SLC25A42: variants seen among roughly 807,000 people sequenced by gnomAD.
The protein encoded by SLC25A42 is solute carrier family 25 member 42.
A neutral mutation model predicts 34.7 loss-of-function variants in SLC25A42; 19 were observed. The observed-to-expected ratio is 0.55, with a 90% confidence interval of 0.38 to 0.80. SLC25A42 has a LOEUF of 0.80. Ranked by LOEUF, SLC25A42 falls within the 30% of genes least tolerant of loss-of-function variation. The pLI, the probability that SLC25A42 is intolerant of heterozygous loss-of-function variation, is 0.00. For missense variants in SLC25A42, 364 were observed against 441.3 expected, an observed-to-expected ratio of 0.82 and a Z score of 1.57; for synonymous variants, 205 against 191.2, an observed-to-expected ratio of 1.07 and a Z score of -0.59.
In SLC25A42 at chr19:19,064,126, G is replaced by A. The variant is rs1191557735; in HGVS notation, c.-35+11G>A. On this transcript the variant is annotated intron_variant, in intron 1 of 7. Coordinates refer to ENST00000318596, the MANE Select transcript of SLC25A42 (RefSeq NM_178526.5). Reference sequence around the variant, plus strand: ...TCGGGCTGAACTGAGGTGAGGCACGGGTCCTGTCATGGATCCCGGGGCGAG... The same window carrying A: ...TCGGGCTGAACTGAGGTGAGGCACGAGTCCTGTCATGGATCCCGGGGCGAG... 1 of 152,444 alleles carries A rather than the reference G, an allele frequency of 6.6e-6. No individual in the cohort carries two copies. The highest frequency in any genetic ancestry group is 1.5e-5 in the Non-Finnish European group (1 of 68,274). 9.4% of individuals were successfully genotyped at this position (152,444 alleles called of 1,614,324 possible). A position where few individuals can be genotyped will look rare whatever the true frequency, so the allele number is the denominator to read the frequency against.
intron 2 of SLC25A42, among the ~76,000 whole-genome samples, chr19:19,096,840 G>A (rs1473998677): frequency 6.6e-6 from 1 of 152,100 alleles, no homozygotes; most frequent in Non-Finnish European, 1.5e-5. Context: ...GGGAGGCTGA[G>A]GCAGTTGAAT....
At chr19:19,064,697 A>C in intron 1 of SLC25A42, among the ~76,000 whole-genome samples, 1 of 138,454 alleles carries the variant, frequency 7.2e-6, no homozygotes, top group African/African-American at 2.8e-5. Context: ...CTGCCCTGGC[A>C]GCCCCACACC....
intron 7 of SLC25A42, 143 bp from the exon 8 acceptor site, chr19:19,110,426 T>C (rs1327882224): frequency 1.8e-5 from 10 of 566,616 alleles, no homozygotes; most frequent in Admixed American, 4.3e-5. Flanking sequence ...TGGGTGCGCA[T>C]GAGTGCGAAC....
At chr19:19,075,448 G>T (rs2059651182) in intron 1 of SLC25A42, among the ~76,000 whole-genome samples, 1 of 152,244 alleles carries the variant, frequency 6.6e-6, no homozygotes, top group Non-Finnish European at 1.5e-5. Flanking sequence ...GCCCCCCTCT[G>T]CCTGGCCGCT....
chr19:19,110,508 G>T (rs1427991410), intron 7 of SLC25A42, 61 bp from the exon 8 acceptor site: 33 of 1,339,794 alleles, frequency 2.5e-5, no homozygotes, highest in Non-Finnish European at 3.1e-5. Flanking sequence ...GCGCGCGCAC[G>T]GGTGCGGGGT....
chr19:19,104,807 G>T, intron 3 of SLC25A42, 106 bp from the exon 4 acceptor site: 3 of 1,296,432 alleles, frequency 2.3e-6, no homozygotes, highest in South Asian at 2.4e-5. Context: ...CAAGATTGGG[G>T]GGAAAAGGAG....
chr19:19,098,857 G>A (rs2059779261), intron 2 of SLC25A42, among the ~76,000 whole-genome samples: 1 of 151,730 alleles, frequency 6.6e-6, no homozygotes, highest in Non-Finnish European at 1.5e-5. Flanking sequence ...CCAGGAGGCA[G>A]AGGTTGCAGT....
Position 19,110,792 on chromosome 19 carries a change from C to A in SLC25A42, c.873C>A (p.Asn291Lys). 1 of 1,613,862 alleles carries A rather than the reference C, an allele frequency of 6.2e-7. No homozygotes were observed. Among genetic ancestry groups the A allele is most frequent in the Non-Finnish European group, 8.5e-7 (1 of 1,180,004 alleles). Residue 291 changes from asparagine to lysine, a missense_variant, in exon 8 of 8, where the codon AAC becomes AAA. Physicochemically the swap from Asn to Lys is moderately conservative, Grantham distance 94. Transcript: ENST00000318596. ...GCCTCTACAAAGGCTTGAGCATGAA[C>A]TGGGTCAAGGGTCCCATCGCCGTGG... ...VRGLYKGLSM[N>K]WVKGPIAVGI...
At chr19:19,087,733 A>C (rs1253904624) in intron 1 of SLC25A42, among the ~76,000 whole-genome samples, 1 of 152,242 alleles carries the variant, frequency 6.6e-6, no homozygotes, top group Non-Finnish European at 1.5e-5. Context: ...AGCTACTTGG[A>C]AAAACAAAGA....
intron 1 of SLC25A42, among the ~76,000 whole-genome samples, chr19:19,065,622 T>G (rs2059597997): frequency 1.3e-5 from 2 of 152,308 alleles, no homozygotes; most frequent in South Asian, 4.1e-4. Flanking sequence ...CATGTCACCT[T>G]CAGCTTCTCC....
chr19:19,072,135 G>A (rs1041165558), intron 1 of SLC25A42, among the ~76,000 whole-genome samples: 7 of 152,098 alleles, frequency 4.6e-5, no homozygotes, highest in Admixed American at 3.9e-4. Flanking sequence ...TTACAGGCGT[G>A]AGCCACTGTG....
At chr19:19,101,994 T>G in intron 3 of SLC25A42, 108 bp downstream of exon 3, 1 of 710,664 alleles carries the variant, frequency 1.4e-6, no homozygotes, top group Non-Finnish European at 2.3e-6. Flanking sequence ...AGATTTATTT[T>G]AGAAATAAGG....
At chr19:19,082,305 C>A (rs2059685399) in intron 1 of SLC25A42, among the ~76,000 whole-genome samples, 1 of 152,226 alleles carries the variant, frequency 6.6e-6, no homozygotes, top group African/African-American at 2.4e-5. Context: ...TCTCCCTCCA[C>A]CTCTAAAGCC....
chr19:19,094,419 G>C (rs535417851), intron 1 of SLC25A42, among the ~76,000 whole-genome samples: 4 of 152,120 alleles, frequency 2.6e-5, no homozygotes, highest in African/African-American at 4.8e-5. Flanking sequence ...GGCCATCAAG[G>C]GTTCTTTCGG....
chr19:19,078,339 T>G (rs2059665102), intron 1 of SLC25A42, among the ~76,000 whole-genome samples: 1 of 152,178 alleles, frequency 6.6e-6, no homozygotes, highest in Admixed American at 6.5e-5. Context: ...TGACACAGCC[T>G]CAGCCTGTTT....
intron 1 of SLC25A42, among the ~76,000 whole-genome samples, chr19:19,075,497 G>T (rs1401806100): frequency 6.6e-6 from 1 of 152,224 alleles, no homozygotes; most frequent in Non-Finnish European, 1.5e-5. Context: ...TCCCAGTTCA[G>T]AAAGCACTGG....
intron 1 of SLC25A42, among the ~76,000 whole-genome samples, chr19:19,070,863 G>A (rs1228920351): frequency 2.0e-5 from 3 of 152,052 alleles, no homozygotes; most frequent in Non-Finnish European, 4.4e-5. Flanking sequence ...CAATGGGGTC[G>A]GACACATTCC....
intron 1 of SLC25A42, among the ~76,000 whole-genome samples, chr19:19,091,804 G>A (rs2059739566): frequency 2.0e-5 from 3 of 152,192 alleles, no homozygotes; most frequent in African/African-American, 7.2e-5. Context: ...TTGAGACCAG[G>A]AGGTCGAGGC....
intron 1 of SLC25A42, 67 bp from the exon 2 acceptor site, chr19:19,096,024 G>A (rs757812944): frequency 9.3e-7 from 1 of 1,069,764 alleles, no homozygotes; most frequent in African/African-American, 1.6e-5. Context: ...GATAGGAAAA[G>A]GCTGGTGGAA....
Sources: allele counts gnomAD v4.1 joint callset (sites outside exome capture counted in the v4.1 genomes callset), GRCh38; gene constraint gnomAD v4.1.1; transcripts MANE v1.5; gene names NCBI Gene and HGNC (gene_info 2026-07-23, HGNC 2026-07-21).